CRPPA: variants seen among roughly 807,000 people sequenced by gnomAD.
CRPPA encodes D-ribitol-5-phosphate cytidylyltransferase.
Under a neutral mutation model 52.0 loss-of-function variants are expected in CRPPA, and 43 were observed. The ratio of observed to expected loss-of-function variants is 0.83; its 90% confidence interval spans 0.65 to 1.07. The LOEUF (loss-of-function observed/expected upper bound fraction) is 1.07, where lower values mean the gene tolerates loss of function less well. Among genes scored for constraint, CRPPA ranks in the 50% least tolerant of loss-of-function variants. The pLI, the probability that CRPPA is intolerant of heterozygous loss-of-function variation, is 0.00. For missense variants in CRPPA, 629 were observed against 551.7 expected (o/e 1.14, Z -1.40); for synonymous variants, 250 against 203.5 (o/e 1.23, Z -1.94).
intron 1 of CRPPA, among the ~76,000 whole-genome samples, chr7:16,420,843 G>C (rs1333629411): frequency 6.6e-6 from 1 of 152,116 alleles, no homozygotes; most frequent in East Asian, 1.9e-4. Flanking sequence ...ATCTGCTTGG[G>C]GACGTAAAGG....
chr7:16,294,657 T>C (rs928457759), intron 5 of CRPPA, among the ~76,000 whole-genome samples: 2 of 152,006 alleles, frequency 1.3e-5, no homozygotes, highest in Admixed American at 6.6e-5. Flanking sequence ...GGTGTTATTC[T>C]GAAAATTCGG....
intron 8 of CRPPA, among the ~76,000 whole-genome samples, chr7:16,253,771 A>G (rs935423953): frequency 1.3e-4 from 20 of 152,214 alleles, no homozygotes; most frequent in Non-Finnish European, 5.9e-5. Flanking sequence ...TCTGCACAGC[A>G]AAAGAAACTA....
chr7:16,400,370 T>A (rs751940085), intron 2 of CRPPA, among the ~76,000 whole-genome samples: 12 of 152,180 alleles, frequency 7.9e-5, no homozygotes, highest in Non-Finnish European at 1.5e-4. Flanking sequence ...GACCAACACG[T>A]TTGTGACACA....
intron 2 of CRPPA, among the ~76,000 whole-genome samples, chr7:16,402,558 T>C (rs1309498995): frequency 6.6e-6 from 1 of 152,148 alleles, no homozygotes; most frequent in Non-Finnish European, 1.5e-5. Context: ...GTGTATAAAG[T>C]ATTATGTTCA....
chr7:16,324,855 TG>T (rs1182037241), intron 3 of CRPPA, among the ~76,000 whole-genome samples: 1 of 152,226 alleles, frequency 6.6e-6, no homozygotes, highest in East Asian at 1.9e-4. Context: ...AATGAGATAA[TG>T]TACTTGTAAT....
chr7:16,389,337 A>G (rs1429294072), intron 2 of CRPPA, among the ~76,000 whole-genome samples: 1 of 152,204 alleles, frequency 6.6e-6, no homozygotes, highest in East Asian at 1.9e-4. Flanking sequence ...CAATGCAAAA[A>G]CAGATGCAAA....
intron 1 of CRPPA, among the ~76,000 whole-genome samples, chr7:16,418,359 G>C (rs927150097): frequency 6.6e-6 from 1 of 152,180 alleles, no homozygotes; most frequent in Admixed American, 6.5e-5. Flanking sequence ...AGTAAAAGTA[G>C]AAGACAAACG....
intron 9 of CRPPA, chr7:16,209,360 C>T (rs1214524881): frequency 6.1e-6 from 1 of 164,318 alleles, no homozygotes; most frequent in Non-Finnish European, 1.3e-5. Flanking sequence ...GCCTCTACTT[C>T]CCAGGGATTC....
At chr7:16,217,404 G>A (rs1244784621) in intron 8 of CRPPA, among the ~76,000 whole-genome samples, 3 of 150,156 alleles carry the variant, frequency 2.0e-5, no homozygotes, top group Admixed American at 6.6e-5. Flanking sequence ...CCAAAGGAAC[G>A]CAGTTCCTCA....
chr7:16,167,910 A>T (rs1382913985), intron 9 of CRPPA, among the ~76,000 whole-genome samples: 1 of 152,124 alleles, frequency 6.6e-6, no homozygotes, highest in African/African-American at 2.4e-5. Context: ...TGCTAGAAAA[A>T]ACAGAACACT....
intron 6 of CRPPA, among the ~76,000 whole-genome samples, chr7:16,276,039 G>T (rs1390335152): frequency 6.6e-6 from 1 of 151,648 alleles, no homozygotes; most frequent in African/African-American, 2.4e-5. Context: ...TAGAAACAAG[G>T]CGAGAAAATT....
At chr7:16,274,221 T>C (rs377289910) in intron 6 of CRPPA, among the ~76,000 whole-genome samples, 3 of 152,184 alleles carry the variant, frequency 2.0e-5, no homozygotes, top group African/African-American at 7.2e-5. Flanking sequence ...AGCTAATTTT[T>C]TGTATTTTTA....
chr7:16,316,317 T>C (rs1218132192), intron 3 of CRPPA, among the ~76,000 whole-genome samples: 1 of 152,132 alleles, frequency 6.6e-6, no homozygotes, highest in Non-Finnish European at 1.5e-5. Flanking sequence ...AGGGCTGGCA[T>C]GAAGACTTTA....
chr7:16,315,946 G>A (rs1261718014), intron 3 of CRPPA, among the ~76,000 whole-genome samples: 1 of 151,972 alleles, frequency 6.6e-6, no homozygotes, highest in Admixed American at 6.6e-5. Flanking sequence ...TGAAAGATAT[G>A]AAAAGTTTAT....
At chr7:16,258,590 C>T (rs1783709351) in intron 7 of CRPPA, 108 bp from the exon 8 acceptor site, 2 of 649,262 alleles carry the variant, frequency 3.1e-6, no homozygotes, top group Non-Finnish European at 5.0e-6. Flanking sequence ...AAATATTTAT[C>T]AAACTTAGTT....
chr7:16,164,441 C>G (rs918499275), intron 9 of CRPPA, among the ~76,000 whole-genome samples: 1 of 152,246 alleles, frequency 6.6e-6, no homozygotes, highest in Middle Eastern at 3.4e-3. Context: ...AGCTTCCTTG[C>G]GTTGAGTTAG....
intron 3 of CRPPA, among the ~76,000 whole-genome samples, chr7:16,368,369 C>T (rs549334125): frequency 4.6e-5 from 7 of 152,226 alleles, no homozygotes; most frequent in East Asian, 1.9e-4. Flanking sequence ...AAATAGTTTT[C>T]GTCTCCAATC....
chr7:16,360,475 A>G (rs1746481985), intron 3 of CRPPA, among the ~76,000 whole-genome samples: 1 of 152,208 alleles, frequency 6.6e-6, no homozygotes, highest in African/African-American at 2.4e-5. Context: ...TTACTATAAA[A>G]TCACACTAAT....
chr7:16,283,932 A>T (rs2128419016), intron 5 of CRPPA, among the ~76,000 whole-genome samples: 1 of 152,178 alleles, frequency 6.6e-6, no homozygotes, highest in East Asian at 1.9e-4. Flanking sequence ...TGAGGGAAAT[A>T]CAATTTTTAA....
Sources: gnomAD v4.1 joint callset for allele counts (sites outside exome capture counted in the v4.1 genomes callset) on GRCh38, gnomAD v4.1.1 for gene constraint, MANE v1.5 for transcripts, NCBI Gene and HGNC (gene_info 2026-07-23, HGNC 2026-07-21) for gene names.